Variants in CACNB2 observed in about 807,000 individuals in gnomAD.
CACNB2 encodes voltage-dependent L-type calcium channel subunit beta-2.
A neutral mutation model predicts 73.3 loss-of-function variants in CACNB2; 42 were observed. That is an observed-to-expected ratio of 0.57 (90% CI 0.45 to 0.74). The LOEUF (loss-of-function observed/expected upper bound fraction) is 0.74, where lower values mean the gene tolerates loss of function less well. Among genes scored for constraint, CACNB2 ranks in the 30% least tolerant of loss-of-function variants. CACNB2 has a pLI of 0.00. For missense variants in CACNB2, 940 were observed against 853.0 expected, an observed-to-expected ratio of 1.10 and a Z score of -1.27; for synonymous variants, 348 against 310.3, an observed-to-expected ratio of 1.12 and a Z score of -1.28.
chr10:18,488,213 C>T (rs543011538), intron 3 of CACNB2, among the ~76,000 whole-genome samples: 17 of 151,802 alleles, frequency 1.1e-4, no homozygotes, highest in African/African-American at 3.6e-4. Context: ...CTGTGGCTGA[C>T]GCCTGTAATC....
intron 2 of CACNB2, chr10:18,206,572 C>G (rs2131333621): frequency 6.6e-6 from 1 of 152,444 alleles, no homozygotes; most frequent in South Asian, 2.1e-4. Context: ...GCCAGCCACT[C>G]TCTGGCTTTC....
intron 2 of CACNB2, among the ~76,000 whole-genome samples, chr10:18,369,006 G>A (rs1023950181): frequency 6.6e-6 from 1 of 152,054 alleles, no homozygotes; most frequent in Non-Finnish European, 1.5e-5. Context: ...CATTAACTTA[G>A]GTCATTCTGG....
chr10:18,471,166 C>T (rs1357755083), intron 3 of CACNB2, among the ~76,000 whole-genome samples: 2 of 152,042 alleles, frequency 1.3e-5, no homozygotes, highest in Admixed American at 1.3e-4. Flanking sequence ...ATTAGCTGGG[C>T]ATGGTGGCGG....
Position 18,541,276 on chromosome 10 carries a change from G to A in CACNB2, c.*1552G>A, listed in dbSNP as rs994588178. ...TCAGAAGAAATCAGGGCAAAATGGG[G>A]TGACTTGAAGTGAATAAAATGTTAA... On this transcript the variant is annotated 3_prime_UTR_variant, in exon 14 of 14. Coordinates refer to ENST00000324631, the MANE Select transcript of CACNB2 (RefSeq NM_201596.3). The A allele has an allele frequency of 6.6e-6, 1 of 152,594 alleles. No homozygotes were observed. The highest frequency in any genetic ancestry group is 2.4e-5 in the African/African-American group (1 of 41,430). 9.5% of individuals were successfully genotyped at this position (152,594 alleles called of 1,614,324 possible).
At chr10:18,272,158 T>C (rs1300028888) in intron 2 of CACNB2, among the ~76,000 whole-genome samples, 1 of 152,128 alleles carries the variant, frequency 6.6e-6, no homozygotes, top group Non-Finnish European at 1.5e-5. Context: ...GGAGCAGATA[T>C]GATATTATGA....
At chr10:18,388,745 T>C (rs2043339250) in intron 2 of CACNB2, among the ~76,000 whole-genome samples, 1 of 152,214 alleles carries the variant, frequency 6.6e-6, no homozygotes, top group Non-Finnish European at 1.5e-5. Context: ...TAAATAATCA[T>C]TTCTATACAT....
intron 5 of CACNB2, among the ~76,000 whole-genome samples, chr10:18,502,281 C>G (rs1331391678): frequency 1.3e-5 from 2 of 149,790 alleles, no homozygotes; most frequent in African/African-American, 5.0e-5. Flanking sequence ...GCATTCCAGC[C>G]TGGGCGACAG....
At position 18,413,981 on chromosome 10, in the gene CACNB2, T is replaced by C. The variant is rs773516545; in HGVS notation, c.333+11938T>C. ...GAAACAAGTGTCTTTGCCTCCTCTG[T>C]AGTTATGTGCGGTCTTACACTATTT... is the stretch of plus-strand genomic sequence containing the variant. On this transcript the variant is annotated intron_variant, in intron 3 of 13. Transcript: ENST00000324631. Among the ~76,000 whole-genome samples the C allele has an allele frequency of 2.0e-5, 3 of 152,236 alleles. No homozygotes were observed. In the South Asian group the frequency reaches 6.2e-4, roughly 31 times the overall value.
chr10:18,438,085 T>C (rs2046231826), intron 3 of CACNB2, among the ~76,000 whole-genome samples: 1 of 135,814 alleles, frequency 7.4e-6, no homozygotes, highest in African/African-American at 2.8e-5. Flanking sequence ...TGGCGCTATC[T>C]CGGTTTACTG....
At chr10:18,514,923 A>T in intron 7 of CACNB2, 1 of 644,024 alleles carries the variant, frequency 1.6e-6, no homozygotes, top group African/African-American at 1.9e-5. Context: ...AGCTTGTACT[A>T]AAAAAAAAAG....
intron 10 of CACNB2, among the ~76,000 whole-genome samples, chr10:18,532,154 T>C (rs184303077): frequency 2.0e-5 from 3 of 152,310 alleles, no homozygotes; most frequent in Admixed American, 6.5e-5. Context: ...CATCGATTCT[T>C]AAGGTTGTAT....
intron 5 of CACNB2, among the ~76,000 whole-genome samples, chr10:18,503,150 A>T (rs1321393645): frequency 2.6e-5 from 4 of 152,210 alleles, no homozygotes; most frequent in African/African-American, 9.6e-5. Context: ...AATGAGAAAA[A>T]AAAGTAAAGA....
chr10:18,414,829 C>T (rs1193611339), intron 3 of CACNB2, among the ~76,000 whole-genome samples: 1 of 151,528 alleles, frequency 6.6e-6, no homozygotes, highest in African/African-American at 2.4e-5. Flanking sequence ...TCATTGTAAA[C>T]ACAGCAATAA....
intron 3 of CACNB2, among the ~76,000 whole-genome samples, chr10:18,444,273 G>A (rs1269435921): frequency 6.6e-6 from 1 of 152,118 alleles, no homozygotes; most frequent in Non-Finnish European, 1.5e-5. Context: ...ACCAGGAGAG[G>A]ATGCAGAGAG....
intron 9 of CACNB2, among the ~76,000 whole-genome samples, chr10:18,527,230 G>T (rs1294667519): frequency 6.6e-6 from 1 of 152,002 alleles, no homozygotes; most frequent in Non-Finnish European, 1.5e-5. Flanking sequence ...ACAAAAATTA[G>T]CCGGGTGTGG....
chr10:18,141,238 G>T, intron 1 of CACNB2: 1 of 492,970 alleles, frequency 2.0e-6, no homozygotes, highest in Non-Finnish European at 4.0e-6. Flanking sequence ...GGGCGGGAGG[G>T]GGCCCGCTTC....
chr10:18,517,342 A>G (rs1025062770), intron 7 of CACNB2, among the ~76,000 whole-genome samples: 3 of 152,196 alleles, frequency 2.0e-5, no homozygotes, highest in Non-Finnish European at 4.4e-5. Context: ...CAAAAGAGCC[A>G]ATTTTAATAT....
chr10:18,228,866 G>C (rs1028591269), intron 2 of CACNB2, among the ~76,000 whole-genome samples: 1 of 152,086 alleles, frequency 6.6e-6, no homozygotes, highest in African/African-American at 2.4e-5. Flanking sequence ...AGCCTCCCAA[G>C]TAGCTGGGAT....
intron 6 of CACNB2, among the ~76,000 whole-genome samples, chr10:18,510,429 A>G (rs1364968816): frequency 1.3e-5 from 2 of 152,100 alleles, no homozygotes; most frequent in Non-Finnish European, 2.9e-5. Context: ...CAGCGTCCCA[A>G]GTAGCTGGGA....
Sources: gnomAD v4.1 joint callset for allele counts (sites outside exome capture counted in the v4.1 genomes callset) on GRCh38, gnomAD v4.1.1 for gene constraint, MANE v1.5 for transcripts, NCBI Gene and HGNC (gene_info 2026-07-23, HGNC 2026-07-21) for gene names.